The following CHD9 variants were observed in gnomAD, a reference collection of about 807,000 sequenced individuals.
CHD9 encodes the protein chromodomain helicase DNA binding protein 9.
Under a neutral mutation model 316.1 loss-of-function variants are expected in CHD9, and 77 were observed. That is an observed-to-expected ratio of 0.24 (90% CI 0.20 to 0.29). The LOEUF (loss-of-function observed/expected upper bound fraction) is 0.29, where lower values mean the gene tolerates loss of function less well. Ranked by LOEUF, CHD9 falls within the 10% of genes least tolerant of loss-of-function variation. The pLI, the probability that CHD9 is intolerant of heterozygous loss-of-function variation, is 1.00. For synonymous variants in CHD9, 1,129 were observed against 1,158.3 expected, an observed-to-expected ratio of 0.97 and a Z score of 0.51; for missense variants, 2,763 against 3,438.1, an observed-to-expected ratio of 0.80 and a Z score of 4.91.
intron 3 of CHD9, among the ~76,000 whole-genome samples, chr16:53,221,922 T>C (rs1305804052): frequency 6.6e-6 from 1 of 152,148 alleles, no homozygotes; most frequent in East Asian, 1.9e-4. Flanking sequence ...AAATCTGTCA[T>C]TGGAAATCTG....
intron 37 of CHD9, among the ~76,000 whole-genome samples, chr16:53,320,376 G>T (rs773363603): frequency 6.6e-6 from 1 of 151,946 alleles, no homozygotes; most frequent in Non-Finnish European, 1.5e-5. Context: ...AGAAAAATTA[G>T]CCAGGCATGG....
intron 1 of CHD9, among the ~76,000 whole-genome samples, chr16:53,060,920 CTTTTTTTT>C (rs549828992): frequency 6.0e-5 from 6 of 99,414 alleles, no homozygotes; most frequent in Admixed American, 1.1e-4. Context: ...GATGTTGTCT[CTTTTTTTT>C]TTTTTTTTTT....
intron 1 of CHD9, among the ~76,000 whole-genome samples, chr16:53,066,627 C>T (rs1357538203): frequency 6.6e-6 from 1 of 151,996 alleles, no homozygotes; most frequent in Non-Finnish European, 1.5e-5. Context: ...AGAGAGGCAC[C>T]ATATTTAACC....
At chr16:53,171,547 A>C (rs1258051345) in intron 2 of CHD9, among the ~76,000 whole-genome samples, 1 of 152,160 alleles carries the variant, frequency 6.6e-6, no homozygotes, top group Non-Finnish European at 1.5e-5. Context: ...TATTCAGGAA[A>C]CAGTTTAGAA....
chr16:53,125,435 C>A (rs1036074766), intron 1 of CHD9, among the ~76,000 whole-genome samples: 1 of 151,926 alleles, frequency 6.6e-6, no homozygotes, highest in African/African-American at 2.4e-5. Flanking sequence ...GCTGGTTAAC[C>A]ATGTTGGCCA....
At chr16:53,109,213 A>C (rs1278717247) in intron 1 of CHD9, among the ~76,000 whole-genome samples, 2 of 143,254 alleles carry the variant, frequency 1.4e-5, no homozygotes, top group Non-Finnish European at 2.9e-5. Context: ...GCATGGGGGC[A>C]CAGGAAAAAG....
rs762612185 is a variant in CHD9 at position 53,324,542 on chromosome 16, G to A, written c.8341G>A (p.Ala2781Thr). ...SSSPSTSSTAALNTAAAANPL... is the reference protein window; with the variant it reads ...SSSPSTSSTATLNTAAAANPL... ...TTCTCCTTCCACATCCTCTACTGCT[G>A]CATTAAATACAGCTGCAGCTGCCAA... The change falls in exon 39 of 39, where the codon GCA (alanine) becomes ACA (threonine). Residue 2781 changes from alanine to threonine, a missense_variant. Physicochemically the swap from Ala to Thr is moderately conservative, Grantham distance 58. Coordinates refer to ENST00000447540, the MANE Select transcript of CHD9 (RefSeq NM_001308319.2). 1.1e-5 allele frequency: 18 copies of A among 1,613,688 alleles called. No individual in the cohort carries two copies. The highest frequency in any genetic ancestry group is 1.4e-5 in the Non-Finnish European group (17 of 1,179,822).
chr16:53,099,174 AG>A (rs1353351146), intron 1 of CHD9: 1 of 152,336 alleles, frequency 6.6e-6, no homozygotes, highest in Admixed American at 6.5e-5. Flanking sequence ...AGAGGAAGTG[AG>A]GCTCAGACAG....
chr16:53,123,923 A>C (rs543026460), intron 1 of CHD9, among the ~76,000 whole-genome samples: 21 of 152,164 alleles, frequency 1.4e-4, no homozygotes, highest in Non-Finnish European at 1.0e-4. Context: ...GTGTTGTACT[A>C]TCAGTACTTA....
chr16:53,161,031 G>C (rs1326219872), intron 2 of CHD9, among the ~76,000 whole-genome samples: 1 of 152,196 alleles, frequency 6.6e-6, no homozygotes, highest in African/African-American at 2.4e-5. Flanking sequence ...GCTGCAGTGA[G>C]CTGTGATTGT....
chr16:53,144,443 G>T (rs1437402687), intron 1 of CHD9, among the ~76,000 whole-genome samples: 1 of 151,936 alleles, frequency 6.6e-6, no homozygotes, highest in Non-Finnish European at 1.5e-5. Context: ...TGTGTTTTGG[G>T]GCAATAAAAT....
chr16:53,147,001 T>C (rs552015168), intron 1 of CHD9, among the ~76,000 whole-genome samples: 1 of 152,286 alleles, frequency 6.6e-6, no homozygotes, highest in Non-Finnish European at 1.5e-5. Flanking sequence ...GTCATTTTCA[T>C]GAATAAATAC....
At position 53,324,862 on chromosome 16, in the gene CHD9, A is replaced by G; in HGVS notation, c.8661A>G (p.Ser2887=). ...CTGGATCTGATAGTACATCGTCGTC[A>G]TCTGAGGATTCAGATTCTAGTAATG... ...ASSGSDSTSS[S]SEDSDSSNED Residue 2887 remains serine (S), a synonymous_variant, in exon 39 of 39, where the codon TCA becomes TCG. Coordinates refer to ENST00000447540, the MANE Select transcript of CHD9 (RefSeq NM_001308319.2). 1 of 1,603,090 alleles carries G rather than the reference A, an allele frequency of 6.2e-7. No homozygotes were observed. Among genetic ancestry groups the G allele is most frequent in the Non-Finnish European group, 8.5e-7 (1 of 1,175,670 alleles).
rs1393809533 is a variant in CHD9, at chr16:53,231,730, A to T, written c.2457A>T (p.Ala819=). 6 of 1,612,004 alleles carry T rather than the reference A, an allele frequency of 3.7e-6. No homozygotes were observed. Among genetic ancestry groups the T allele is most frequent in the Middle Eastern group, 1.7e-4 (1 of 6,050 alleles). Residue 819 remains alanine (A), a synonymous_variant, in exon 10 of 39, where the codon GCA becomes GCT. Coordinates refer to ENST00000447540, the MANE Select transcript of CHD9 (RefSeq NM_001308319.2). ...AACTAAAAGAAGATGTAGATCTTGC[A>T]AAAATAGAAGAGTTTGAACAACTGC... ...TWELKEDVDL[A]KIEEFEQLQA...
chr16:53,063,137 G>A (rs1039859466), intron 1 of CHD9, among the ~76,000 whole-genome samples: 27 of 151,996 alleles, frequency 1.8e-4, no homozygotes, highest in African/African-American at 4.8e-4. Flanking sequence ...CTTTCCATGC[G>A]TCATTCAAAT....
chr16:53,145,750 T>C (rs2040522983), intron 1 of CHD9, among the ~76,000 whole-genome samples: 1 of 151,958 alleles, frequency 6.6e-6, no homozygotes. Flanking sequence ...TATCCAGACA[T>C]CTTGTACTCT....
rs2152966208 is a variant in CHD9 at position 53,249,954 on chromosome 16, A to T, written c.3749A>T (p.Asp1250Val). 1 of 1,613,798 alleles carries T rather than the reference A, an allele frequency of 6.2e-7. No homozygotes were observed. Among genetic ancestry groups the T allele is most frequent in the South Asian group, 1.1e-5 (1 of 91,084 alleles). Residue 1250 changes from aspartate (D) to valine (V), a missense_variant, in exon 17 of 39, where the codon GAT becomes GTT. By Grantham distance (152) the Asp-to-Val change is radical (BLOSUM62 -3). This residue lies in a region of CHD9 where 39 missense variants were observed against 40.4 expected (regional missense o/e 0.97). Coordinates refer to ENST00000447540, the MANE Select transcript of CHD9 (RefSeq NM_001308319.2). ...GATAGATTTAGTAAACCTGATTCAG[A>T]TAGATTTGTTTTTCTCCTGTGTACC... Reference protein sequence around the residue: ...AIDRFSKPDSDRFVFLLCTRA... With the variant: ...AIDRFSKPDSVRFVFLLCTRA...
chr16:53,235,018 T>C (rs2048502644), intron 10 of CHD9, 167 bp from the exon 11 acceptor site: 3 of 452,188 alleles, frequency 6.6e-6, no homozygotes, highest in South Asian at 6.1e-5. Flanking sequence ...TTCAGTTTTC[T>C]GGAAGAGTTG....
At chr16:53,152,615 G>A (rs2041214557) in intron 1 of CHD9, among the ~76,000 whole-genome samples, 1 of 152,142 alleles carries the variant, frequency 6.6e-6, no homozygotes, top group Admixed American at 6.5e-5. Flanking sequence ...GTCATTGGAG[G>A]GTTGTGAGCA....
Sources: gnomAD v4.1 joint callset for allele counts (sites outside exome capture counted in the v4.1 genomes callset) on GRCh38, gnomAD v4.1.1 for gene constraint, gnomAD v4.1.1 regional missense constraint, MANE v1.5 for transcripts, NCBI Gene and HGNC (gene_info 2026-07-23, HGNC 2026-07-21) for gene names.